The following RNMT variants were observed in gnomAD, a reference collection of about 807,000 sequenced individuals.
RNMT encodes the protein RNA guanine-7 methyltransferase, also known as mRNA cap guanine-N(7) methyltransferase.
In RNMT, 27 loss-of-function variants were observed where a neutral mutation model predicts 56.0. The observed-to-expected ratio is 0.48, with a 90% CI of 0.36 to 0.67. RNMT has a LOEUF of 0.67. Among genes scored for constraint, RNMT ranks in the 30% least tolerant of loss-of-function variants. The pLI, the probability that RNMT is intolerant of heterozygous loss-of-function variation, is 0.00. For missense variants in RNMT, 519 were observed against 552.1 expected, an observed-to-expected ratio of 0.94 and a Z score of 0.60; for synonymous variants, 184 against 176.2, an observed-to-expected ratio of 1.04 and a Z score of -0.35.
At chr18:13,737,224 G>A (rs2044175394) in intron 5 of RNMT, 89 bp downstream of exon 5, 10 of 1,192,728 alleles carry the variant, frequency 8.4e-6, no homozygotes, top group Non-Finnish European at 1.2e-5. Context: ...AGATATCTGG[G>A]ACTATGCATG....
chr18:13,741,754 C>T (rs1005602906), intron 7 of RNMT, 63 bp downstream of exon 7: 41 of 1,047,022 alleles, frequency 3.9e-5, no homozygotes, highest in Non-Finnish European at 5.3e-5. Context: ...AAATGTTTAT[C>T]AGAGGTAGAT....
chr18:13,748,946 G>A (rs2044395468), intron 9 of RNMT, among the ~76,000 whole-genome samples: 2 of 152,242 alleles, frequency 1.3e-5, no homozygotes, highest in Middle Eastern at 3.4e-3. Flanking sequence ...AGGTGTGGTG[G>A]TGCATACTTG....
chr18:13,758,561 T>C (rs2044578852), intron 11 of RNMT, among the ~76,000 whole-genome samples: 2 of 152,128 alleles, frequency 1.3e-5, no homozygotes, highest in South Asian at 2.1e-4. Context: ...CTTCATAGAA[T>C]TGAAGAGAGA....
At chr18:13,728,670 G>C (rs1174610582) in intron 1 of RNMT, among the ~76,000 whole-genome samples, 2 of 151,970 alleles carry the variant, frequency 1.3e-5, no homozygotes, top group African/African-American at 4.8e-5. Flanking sequence ...TTTGATAAAA[G>C]CCGTTTTAAC....
chr18:13,757,801 T>C (rs919461184), intron 11 of RNMT, among the ~76,000 whole-genome samples: 5 of 152,264 alleles, frequency 3.3e-5, no homozygotes, highest in Non-Finnish European at 7.3e-5. Context: ...CATCAGGTTT[T>C]TTATTTACTT....
chr18:13,731,270 T>C (rs539607876), intron 2 of RNMT, among the ~76,000 whole-genome samples: 1 of 152,150 alleles, frequency 6.6e-6, no homozygotes, highest in Admixed American at 6.5e-5. Flanking sequence ...TAGCCAGGCG[T>C]GGTGGCAGGT....
rs369075694 is a variant in RNMT, at chr18:13,737,926, T to G, written c.679+791T>G. On this transcript the variant is annotated intron_variant, in intron 5 of 11. Coordinates refer to ENST00000383314, the MANE Select transcript of RNMT (RefSeq NM_003799.3). ...AAATCATAATTTTTTTCATTCTTTATGAAATAATAGATCTAGGCAATAATT... is the reference window on the plus strand; with the variant it reads ...AAATCATAATTTTTTTCATTCTTTAGGAAATAATAGATCTAGGCAATAATT... 7.2e-5 allele frequency among the ~76,000 whole-genome samples: 11 copies of G among 152,040 alleles called. No homozygotes were observed. In the East Asian group the frequency reaches 1.5e-3, roughly 21 times the overall value.
intron 1 of RNMT, among the ~76,000 whole-genome samples, chr18:13,729,964 AT>A (rs1384269360): frequency 6.6e-6 from 1 of 151,912 alleles, no homozygotes; most frequent in Non-Finnish European, 1.5e-5. Flanking sequence ...ATGCCCAGCT[AT>A]TTTTTGTAGA....
chr18:13,750,643 A>T (rs1043893220), intron 9 of RNMT, among the ~76,000 whole-genome samples: 4 of 152,204 alleles, frequency 2.6e-5, no homozygotes, highest in East Asian at 3.9e-4. Flanking sequence ...CTACAAAAAA[A>T]TTTTTAAAAA....
chr18:13,749,906 C>T (rs1404384432), intron 9 of RNMT, among the ~76,000 whole-genome samples: 3 of 151,282 alleles, frequency 2.0e-5, no homozygotes, highest in Admixed American at 6.6e-5. Context: ...ACTACAGGCA[C>T]GTGCCACCAC....
At chr18:13,739,532 C>T (rs957719592) in intron 5 of RNMT, among the ~76,000 whole-genome samples, 15 of 152,174 alleles carry the variant, frequency 9.9e-5, no homozygotes, top group Admixed American at 6.5e-4. Context: ...CTATAATCCC[C>T]AGCACTTTGG....
intron 7 of RNMT, among the ~76,000 whole-genome samples, chr18:13,742,008 G>A (rs2044259330): frequency 6.6e-6 from 1 of 152,200 alleles, no homozygotes; most frequent in South Asian, 2.1e-4. Context: ...TTATTGGTGT[G>A]ACTGTTGGTG....
chr18:13,759,871 A>T, intron 11 of RNMT, 71 bp from the exon 12 acceptor site: 1 of 1,381,142 alleles, frequency 7.2e-7, no homozygotes, highest in Non-Finnish European at 1.0e-6. Flanking sequence ...TCACCAAATT[A>T]TGAACAAGAC....
chr18:13,738,240 T>G (rs1013345415), intron 5 of RNMT, among the ~76,000 whole-genome samples: 1 of 152,178 alleles, frequency 6.6e-6, no homozygotes, highest in East Asian at 1.9e-4. Context: ...GCTACTGATA[T>G]TTACTATATT....
chr18:13,760,054 A>G lies in RNMT; in HGVS notation c.*75A>G. 6.4e-7 allele frequency: 1 copy of G among 1,561,308 alleles called. No homozygotes were observed. The highest frequency in any genetic ancestry group is 8.7e-7 in the Non-Finnish European group (1 of 1,151,506). On this transcript the variant is annotated 3_prime_UTR_variant, in exon 12 of 12. Coordinates refer to ENST00000383314, the MANE Select transcript of RNMT (RefSeq NM_003799.3). ...TGAACAACTCATCTCGATATATTTG[A>G]TATTTCTCTGTCTGTTGATTTTAAT...
At chr18:13,736,781 T>C (rs1446900426) in intron 4 of RNMT, among the ~76,000 whole-genome samples, 1 of 152,248 alleles carries the variant, frequency 6.6e-6, no homozygotes, top group Non-Finnish European at 1.5e-5. Flanking sequence ...AAATGCTGCC[T>C]TTATTTTCCA....
At position 13,763,132 on chromosome 18, in the gene RNMT, A is replaced by T; in HGVS notation, c.*3153A>T. ...ATGGCCTGTTGGTCAAATAGGAAGTACAAGTGTGTGATGTTAGAACCTCCC... is the reference window on the plus strand; with the variant it reads ...ATGGCCTGTTGGTCAAATAGGAAGTTCAAGTGTGTGATGTTAGAACCTCCC... On this transcript the variant is annotated 3_prime_UTR_variant, in exon 12 of 12. Coordinates refer to ENST00000383314, the MANE Select transcript of RNMT (RefSeq NM_003799.3). 2.2e-6 allele frequency: 1 copy of T among 456,052 alleles called. No individual in the cohort carries two copies. Among genetic ancestry groups the T allele is most frequent in the Non-Finnish European group, 4.4e-6 (1 of 226,798 alleles). 28.3% of individuals were successfully genotyped at this position (456,052 alleles called of 1,614,324 possible). A position where few individuals can be genotyped will look rare whatever the true frequency, so the allele number is the denominator to read the frequency against.
Position 13,761,903 on chromosome 18 carries a change from T to C in RNMT, c.*1924T>C, listed in dbSNP as rs2044624911. 2 of 1,242,262 alleles carry C rather than the reference T, an allele frequency of 1.6e-6. No homozygotes were observed. Among genetic ancestry groups the C allele is most frequent in the African/African-American group, 3.2e-5 (2 of 62,398 alleles). The allele number at this position is 1,242,262 out of a possible 1,614,324, so 77.0% of individuals were successfully genotyped here. On this transcript the variant is annotated 3_prime_UTR_variant, in exon 12 of 12. Transcript: ENST00000383314. ...CTTGTTACAATTAAGTTTCTGGATA[T>C]TGACTTAAGAACTGTTAGGAAGAGG...
At position 13,761,080 on chromosome 18, in the gene RNMT, A is replaced by G. The variant is rs187321515; in HGVS notation, c.*1101A>G. On this transcript the variant is annotated 3_prime_UTR_variant, in exon 12 of 12. Coordinates refer to ENST00000383314, the MANE Select transcript of RNMT (RefSeq NM_003799.3). ...GTATTCTTTTTTAAATTATTAAGCCATGATTTACAAAAACATTACTTTCTG... is the reference window on the plus strand; with the variant it reads ...GTATTCTTTTTTAAATTATTAAGCCGTGATTTACAAAAACATTACTTTCTG... 1.9e-5 allele frequency: 19 copies of G among 985,262 alleles called. No homozygotes were observed. The Admixed American group carries it at 6.1e-4, about 32-fold the overall frequency. 61.0% of individuals were successfully genotyped at this position (985,262 alleles called of 1,614,324 possible). A position where few individuals can be genotyped will look rare whatever the true frequency, so the allele number is the denominator to read the frequency against.
Sources: gnomAD v4.1 joint callset for allele counts (sites outside exome capture counted in the v4.1 genomes callset) on GRCh38, gnomAD v4.1.1 for gene constraint, MANE v1.5 for transcripts, NCBI Gene and HGNC (gene_info 2026-07-23, HGNC 2026-07-21) for gene names.